NAALADL2: variants seen among roughly 807,000 people sequenced by gnomAD.
NAALADL2 encodes N-acetylated alpha-linked acidic dipeptidase like 2.
In NAALADL2, 76 loss-of-function variants were observed where a neutral mutation model predicts 87.2. The ratio of observed to expected loss-of-function variants is 0.87; its 90% CI spans 0.72 to 1.05. NAALADL2 has a LOEUF of 1.05. NAALADL2 is among the 50% of genes least tolerant of loss of function. The pLI, the probability that NAALADL2 is intolerant of heterozygous loss-of-function variation, is 0.00. For synonymous variants in NAALADL2, 354 were observed against 331.0 expected (o/e 1.07, Z -0.75); for missense variants, 1,089 against 945.8 (o/e 1.15, Z -1.99).
At chr3:175,458,596 A>G (rs944092569) in intron 6 of NAALADL2, among the ~76,000 whole-genome samples, 10 of 148,644 alleles carry the variant, frequency 6.7e-5, no homozygotes, top group Admixed American at 1.3e-4. Context: ...AATAAATTAT[A>G]TATATATAAA....
chr3:175,340,212 G>A (rs1046087579), intron 5 of NAALADL2, among the ~76,000 whole-genome samples: 9 of 152,088 alleles, frequency 5.9e-5, no homozygotes, highest in Admixed American at 5.9e-4. Flanking sequence ...TAAGTATAAG[G>A]AATGCTACAA....
chr3:174,653,893 C>T (rs1173301558), intron 2 of NAALADL2, among the ~76,000 whole-genome samples: 1 of 152,098 alleles, frequency 6.6e-6, no homozygotes, highest in Non-Finnish European at 1.5e-5. Flanking sequence ...TCCCTAATCT[C>T]ATTGATACTT....
Position 175,463,406 on chromosome 3 carries a change from A to AGAG in NAALADL2, c.1241_1243dup (p.Arg414_Val415insGly). 6.4e-7 allele frequency: 1 copy of AGAG among 1,570,930 alleles called. No individual in the cohort carries two copies. Among genetic ancestry groups the AGAG allele is most frequent in the Middle Eastern group, 1.7e-4 (1 of 5,890 alleles). ...TTAAATTTTTATTTTTTCAGAAATA[A>AGAG]GAGTCGTCAGCATGCAAGTTCAGAC... On this transcript the variant is annotated inframe_insertion, in exon 7 of 14. Coordinates refer to ENST00000454872, the MANE Select transcript of NAALADL2 (RefSeq NM_207015.3).
intron 11 of NAALADL2, among the ~76,000 whole-genome samples, chr3:175,627,599 T>C (rs968179099): frequency 1.1e-4 from 16 of 151,742 alleles, no homozygotes; most frequent in African/African-American, 3.9e-4. Context: ...TGATCATTTG[T>C]ATTACAAATC....
chr3:174,889,393 A>G (rs554551085), intron 1 of NAALADL2, among the ~76,000 whole-genome samples: 9 of 152,232 alleles, frequency 5.9e-5, no homozygotes, highest in African/African-American at 1.9e-4. Context: ...AAACAAAAGG[A>G]TGTGGGATTT....
At chr3:175,742,378 T>A (rs915976044) in intron 12 of NAALADL2, among the ~76,000 whole-genome samples, 9 of 151,926 alleles carry the variant, frequency 5.9e-5, no homozygotes, top group Admixed American at 2.0e-4. Context: ...TAATGTAAGT[T>A]TTTTTGTTTG....
chr3:174,645,748 T>C (rs1723715297), intron 2 of NAALADL2, among the ~76,000 whole-genome samples: 1 of 152,186 alleles, frequency 6.6e-6, no homozygotes, highest in Admixed American at 6.5e-5. Context: ...ACTAAGCATG[T>C]TTCAACCATG....
At chr3:175,222,085 A>G (rs1462716063) in intron 2 of NAALADL2, among the ~76,000 whole-genome samples, 1 of 152,154 alleles carries the variant, frequency 6.6e-6, no homozygotes, top group East Asian at 1.9e-4. Flanking sequence ...ATAGCTGAAT[A>G]TGAGTGTGAG....
At position 175,263,539 on chromosome 3, in the gene NAALADL2, A is replaced by G. The variant is rs1351725024; in HGVS notation, c.939+7009A>G. 6.6e-5 allele frequency among the ~76,000 whole-genome samples: 10 copies of G among 152,010 alleles called. No individual in the cohort carries two copies. The East Asian group carries it at 1.9e-3, about 29-fold the overall frequency. On this transcript the variant is annotated intron_variant, in intron 4 of 13. Coordinates refer to ENST00000454872, the MANE Select transcript of NAALADL2 (RefSeq NM_207015.3). ...ACTTTTGAACCATTTGAAAATTACG[A>G]CATCATAGCAAATGGCATCATGTAT...
At chr3:175,260,988 G>A (rs1302262799) in intron 4 of NAALADL2, among the ~76,000 whole-genome samples, 2 of 152,070 alleles carry the variant, frequency 1.3e-5, no homozygotes, top group Non-Finnish European at 2.9e-5. Flanking sequence ...ATGGCTTTCT[G>A]ATATGTGCTG....
chr3:175,665,802 A>C (rs561180024), intron 11 of NAALADL2, among the ~76,000 whole-genome samples: 1 of 152,008 alleles, frequency 6.6e-6, no homozygotes, highest in Non-Finnish European at 1.5e-5. Flanking sequence ...GTGGTGGTGC[A>C]TGCCTGTAGT....
At chr3:174,705,799 AAAT>A (rs1335372083) in intron 2 of NAALADL2, among the ~76,000 whole-genome samples, 1 of 151,856 alleles carries the variant, frequency 6.6e-6, no homozygotes, top group African/African-American at 2.4e-5. Flanking sequence ...AAAAAAAAAA[AAAT>A]GTCAGTTCTG....
intron 1 of NAALADL2, among the ~76,000 whole-genome samples, chr3:174,485,652 C>A (rs1245632608): frequency 6.6e-6 from 1 of 151,906 alleles, no homozygotes; most frequent in African/African-American, 2.4e-5. Flanking sequence ...GGCTGCATAG[C>A]ATTTCATGGT....
intron 2 of NAALADL2, among the ~76,000 whole-genome samples, chr3:174,640,789 T>C (rs771201017): frequency 8.5e-5 from 13 of 152,220 alleles, no homozygotes; most frequent in Non-Finnish European, 1.9e-4. Context: ...TGGCATTGCT[T>C]GCTGCTAGGG....
chr3:175,718,493 AT>A, intron 11 of NAALADL2: 1 of 1,588,252 alleles, frequency 6.3e-7, no homozygotes, highest in Non-Finnish European at 8.6e-7. Flanking sequence ...GTTTTCATAA[AT>A]TGTTCTTGGA....
chr3:174,447,841 A>G (rs1014431358), intron 1 of NAALADL2, among the ~76,000 whole-genome samples: 2 of 152,060 alleles, frequency 1.3e-5, no homozygotes, highest in African/African-American at 2.4e-5. Flanking sequence ...AATAAAAATA[A>G]AAAATAAAAT....
At chr3:175,281,222 A>G (rs958431326) in intron 4 of NAALADL2, among the ~76,000 whole-genome samples, 1 of 151,732 alleles carries the variant, frequency 6.6e-6, no homozygotes. Flanking sequence ...TCTTCCGTCC[A>G]TAATCCTGGC....
intron 3 of NAALADL2, among the ~76,000 whole-genome samples, chr3:174,851,600 A>G (rs574067235): frequency 1.3e-5 from 2 of 152,190 alleles, no homozygotes; most frequent in South Asian, 4.1e-4. Context: ...ACCAATAATA[A>G]ATAATGGGAT....
chr3:175,418,037 G>A (rs1714976377), intron 5 of NAALADL2, among the ~76,000 whole-genome samples: 1 of 152,082 alleles, frequency 6.6e-6, no homozygotes, highest in African/African-American at 2.4e-5. Flanking sequence ...AGGAGAGATA[G>A]CTGGGAATTC....
Sources: gnomAD v4.1 joint callset for allele counts (sites outside exome capture counted in the v4.1 genomes callset) on GRCh38, gnomAD v4.1.1 for gene constraint, MANE v1.5 for transcripts, NCBI Gene and HGNC (gene_info 2026-07-23, HGNC 2026-07-21) for gene names.